Variants in USO1 observed in about 807,000 individuals in gnomAD.
USO1 encodes general vesicular transport factor p115.
Under a neutral mutation model 124.5 loss-of-function variants are expected in USO1, and 57 were observed. The observed-to-expected ratio is 0.46, with a 90% CI of 0.37 to 0.57. The LOEUF (loss-of-function observed/expected upper bound fraction) is 0.57. USO1 is among the 20% of genes least tolerant of loss of function. The pLI, the probability that USO1 is intolerant of heterozygous loss-of-function variation, is 0.00. For missense variants in USO1, 900 were observed against 1,040.6 expected, an observed-to-expected ratio of 0.86 and a Z score of 1.86; for synonymous variants, 369 against 362.8, an observed-to-expected ratio of 1.02 and a Z score of -0.19.
intron 1 of USO1, chr4:75,745,223 T>C (rs1450395335): frequency 2.5e-6 from 1 of 398,790 alleles, no homozygotes; most frequent in East Asian, 7.2e-5. Flanking sequence ...TATATATATA[T>C]ATAGTACTGA....
chr4:75,806,431 TTCTCA>T (rs994777130), intron 19 of USO1, 50 bp from the exon 20 acceptor site: 13 of 1,542,338 alleles, frequency 8.4e-6, no homozygotes, highest in African/African-American at 5.5e-5. Context: ...CTGTTTTTTT[TTCTCA>T]TCTCTTTAGA....
intron 1 of USO1, among the ~76,000 whole-genome samples, chr4:75,739,869 T>G (rs1274691874): frequency 6.6e-6 from 1 of 152,122 alleles, no homozygotes; most frequent in Non-Finnish European, 1.5e-5. Flanking sequence ...TTGTTTGGGA[T>G]TTCCCTATTA....
chr4:75,795,297 A>G, intron 13 of USO1: 1 of 701,760 alleles, frequency 1.4e-6, no homozygotes, highest in Non-Finnish European at 2.6e-6. Context: ...TTTCTAAAGT[A>G]GTAATATGTA....
intron 9 of USO1, 31 bp downstream of exon 9, chr4:75,782,889 G>A: frequency 6.5e-7 from 1 of 1,529,608 alleles, no homozygotes; most frequent in South Asian, 1.3e-5. Context: ...AATGTGGTAA[G>A]AATTTTGACA....
At chr4:75,767,260 C>G (rs1447507934) in intron 4 of USO1, among the ~76,000 whole-genome samples, 2 of 152,134 alleles carry the variant, frequency 1.3e-5, no homozygotes, top group African/African-American at 4.8e-5. Context: ...ATGTGCATGT[C>G]CAACCCAGAC....
chr4:75,797,277 C>G (rs1372183420), intron 13 of USO1, among the ~76,000 whole-genome samples: 1 of 151,886 alleles, frequency 6.6e-6, no homozygotes, highest in Non-Finnish European at 1.5e-5. Flanking sequence ...TCTCAGCGAA[C>G]TGTATGAGAT....
At chr4:75,737,580 A>T (rs1720830928) in intron 1 of USO1, among the ~76,000 whole-genome samples, 1 of 152,106 alleles carries the variant, frequency 6.6e-6, no homozygotes, top group Non-Finnish European at 1.5e-5. Flanking sequence ...GTGTAGTCCC[A>T]GCTACTTGTT....
At chr4:75,740,853 C>T (rs1433823189) in intron 1 of USO1, among the ~76,000 whole-genome samples, 1 of 152,196 alleles carries the variant, frequency 6.6e-6, no homozygotes, top group African/African-American at 2.4e-5. Context: ...TCTTCCTTCA[C>T]AGTCTTACTT....
chr4:75,809,080 G>C (rs1011738470), intron 21 of USO1, 29 bp downstream of exon 21: 1 of 1,540,888 alleles, frequency 6.5e-7, no homozygotes, highest in South Asian at 1.3e-5. Flanking sequence ...TTCTCTGGAA[G>C]GTAATAAAGA....
intron 21 of USO1, among the ~76,000 whole-genome samples, chr4:75,810,000 C>T (rs969876820): frequency 2.0e-5 from 3 of 152,176 alleles, no homozygotes; most frequent in Non-Finnish European, 4.4e-5. Flanking sequence ...GGAGTGTCTC[C>T]TCTAGCACTT....
chr4:75,740,935 A>AAT (rs1455145367), intron 1 of USO1, among the ~76,000 whole-genome samples: 1 of 152,152 alleles, frequency 6.6e-6, no homozygotes, highest in Non-Finnish European at 1.5e-5. Flanking sequence ...TGTATTTACC[A>AAT]ATATATATAT....
At position 75,800,449 on chromosome 4, in the gene USO1, C is replaced by T. The variant is rs1172354744; in HGVS notation, c.1662C>T (p.Asn554=). Residue 554 remains asparagine, a synonymous_variant, in exon 15 of 24, where the codon AAC becomes AAT. Transcript: ENST00000514213. ...GCATTTCGATTTATTTCAATGATAA[C>T]TCACTTGAGAGCTACATGAAGTAAG... ...LLGISIYFND[N]SLESYMKEKL... The T allele has an allele frequency of 2.0e-5, 32 of 1,592,570 alleles. No homozygotes were observed. The highest frequency in any genetic ancestry group is 2.7e-5 in the Non-Finnish European group (32 of 1,169,142).
At chr4:75,780,508 A>G (rs1346073247) in intron 8 of USO1, among the ~76,000 whole-genome samples, 1 of 151,294 alleles carries the variant, frequency 6.6e-6, no homozygotes, top group African/African-American at 2.4e-5. Context: ...TCCTGACCTC[A>G]TGATTCGCCC....
chr4:75,798,291 T>G (rs1722746255), intron 13 of USO1, among the ~76,000 whole-genome samples: 3 of 152,194 alleles, frequency 2.0e-5, no homozygotes. Context: ...TATATATACA[T>G]TGTGGGTATA....
At chr4:75,803,496 A>C (rs1418720536) in intron 17 of USO1, among the ~76,000 whole-genome samples, 4 of 151,948 alleles carry the variant, frequency 2.6e-5, no homozygotes, top group Non-Finnish European at 5.9e-5. Context: ...AAAAATACAA[A>C]AACATTAGCT....
intron 1 of USO1, among the ~76,000 whole-genome samples, chr4:75,725,791 C>CT (rs1355002022): frequency 6.6e-6 from 1 of 152,110 alleles, no homozygotes; most frequent in Non-Finnish European, 1.5e-5. Context: ...ATAAAAGAGA[C>CT]TAAGTATAAC....
intron 10 of USO1, among the ~76,000 whole-genome samples, chr4:75,788,147 A>G (rs975858815): frequency 2.1e-5 from 3 of 142,438 alleles, no homozygotes; most frequent in African/African-American, 7.6e-5. Flanking sequence ...TCTGGATCCT[A>G]TATCTTTATT....
At chr4:75,800,248 T>C in intron 14 of USO1, 103 bp from the exon 15 acceptor site, 1 of 1,360,326 alleles carries the variant, frequency 7.4e-7, no homozygotes, top group South Asian at 1.6e-5. Flanking sequence ...ATATATGGAA[T>C]TTCTTATGGG....
chr4:75,749,398 C>CT lies in USO1; in HGVS notation c.67-2970dup, dbSNP rs1166073597. On this transcript the variant is annotated intron_variant, in intron 1 of 23. Transcript: ENST00000514213. ...AAAGAATATAATAAACTTATACTTT[C>CT]TTTTTGTTTTTTTTAATGGAGAAAC... Among the ~76,000 whole-genome samples the CT allele has an allele frequency of 1.9e-3, 281 of 147,006 alleles. 1 individual carries two copies. The highest frequency in any genetic ancestry group is 2.6e-3 in the African/African-American group (103 of 40,144).
Sources: gnomAD v4.1 joint callset for allele counts (sites outside exome capture counted in the v4.1 genomes callset) on GRCh38, gnomAD v4.1.1 for gene constraint, MANE v1.5 for transcripts, NCBI Gene and HGNC (gene_info 2026-07-23, HGNC 2026-07-21) for gene names.